Variants in SEC23B observed in about 807,000 individuals in gnomAD.
SEC23B encodes the protein protein transport protein Sec23B.
In SEC23B, 77 loss-of-function variants were observed where a neutral mutation model predicts 104.3. The observed-to-expected ratio is 0.74, with a 90% CI of 0.61 to 0.89. The LOEUF (loss-of-function observed/expected upper bound fraction) is 0.89, where lower values mean the gene tolerates loss of function less well. Ranked by LOEUF, SEC23B falls within the 40% of genes least tolerant of loss-of-function variation. SEC23B has a pLI of 0.00. For missense variants in SEC23B, 885 were observed against 949.4 expected (o/e 0.93, Z 0.89); for synonymous variants, 338 against 332.5 (o/e 1.02, Z -0.18).
At chr20:18,539,211 A>G (rs1286153057) in intron 12 of SEC23B, among the ~76,000 whole-genome samples, 2 of 102,890 alleles carry the variant, frequency 1.9e-5, no homozygotes, top group South Asian at 6.2e-4. Flanking sequence ...GACTCCGTCT[A>G]AAAAAAAAAA....
At chr20:18,526,344 T>C in intron 7 of SEC23B, 29 bp from the exon 8 acceptor site, 3 of 1,613,482 alleles carry the variant, frequency 1.9e-6, no homozygotes, top group Middle Eastern at 3.3e-4. Context: ...GGCTGTATAC[T>C]TCTAACATGC....
chr20:18,535,572 T>C, intron 11 of SEC23B, 81 bp from the exon 12 acceptor site: 1 of 1,038,838 alleles, frequency 9.6e-7, no homozygotes, highest in Non-Finnish European at 1.5e-6. Flanking sequence ...CCTGCCCTAC[T>C]CAGTCAGTAC....
At chr20:18,528,088 C>T (rs544149166) in intron 9 of SEC23B, among the ~76,000 whole-genome samples, 1 of 152,248 alleles carries the variant, frequency 6.6e-6, no homozygotes, top group African/African-American at 2.4e-5. Context: ...GAGTGTGGAG[C>T]AGTGGTTCTC....
intron 16 of SEC23B, among the ~76,000 whole-genome samples, chr20:18,549,302 C>T (rs6075360): frequency 0.14 from 21,421 of 152,014 alleles, 2,025 homozygotes; most frequent in Non-Finnish European, 0.2. Flanking sequence ...TGCATGTAAC[C>T]TTGGCACATC....
At chr20:18,539,645 C>CTT (rs1165634030) in intron 12 of SEC23B, among the ~76,000 whole-genome samples, 14 of 131,450 alleles carry the variant, frequency 1.1e-4, no homozygotes, top group East Asian at 7.0e-4. Flanking sequence ...CCAGGATCCA[C>CTT]TTTTTTTTTT....
chr20:18,526,391 G>T lies in SEC23B; in HGVS notation c.853G>T (p.Gly285Ter). The change falls in exon 8 of 20, where the codon GGA (glycine) becomes TGA (stop). Residue 285 changes from glycine (G) to a stop codon, truncating the protein, a stop_gained. Coordinates refer to ENST00000650089, the MANE Select transcript of SEC23B (RefSeq NM_006363.6). LOFTEE classifies it high-confidence loss of function. ...GLLEGTFPNT[G>*]ARIMLFTGGP... is the part of the protein sequence containing the mutation. ...ATTTTAGGGCACTTTTCCAAACACA[G>T]GAGCCAGGATCATGCTGTTTACTGG... 6.2e-7 allele frequency: 1 copy of T among 1,614,134 alleles called. No individual in the cohort carries two copies. The highest frequency in any genetic ancestry group is 8.5e-7 in the Non-Finnish European group (1 of 1,179,974).
In SEC23B at chr20:18,546,244, T is replaced by A. The variant is rs1388426116; in HGVS notation, c.1743+211T>A. Among the ~76,000 whole-genome samples, 5 of 152,196 alleles carry A rather than the reference T, an allele frequency of 3.3e-5. No individual in the cohort carries two copies. The South Asian group carries it at 8.3e-4, about 25-fold the overall frequency. On this transcript the variant is annotated intron_variant, in intron 15 of 19. Transcript: ENST00000650089. ...AGATGACATGCAGAGGGGAGAAAAC[T>A]CATGCATACATTTTCATGAACAGGC...
chr20:18,545,886 A>G, intron 14 of SEC23B, 70 bp from the exon 15 acceptor site: 1 of 893,992 alleles, frequency 1.1e-6, no homozygotes, highest in Admixed American at 1.7e-5. Flanking sequence ...ATTTCCAGGT[A>G]ATGCTAACTT....
At chr20:18,512,001 A>G (rs2059985811) in intron 2 of SEC23B, among the ~76,000 whole-genome samples, 2 of 152,200 alleles carry the variant, frequency 1.3e-5, no homozygotes, top group African/African-American at 4.8e-5. Flanking sequence ...AAGATTTAGT[A>G]TTTCTTCACT....
chr20:18,540,120 A>G (rs1194449430), intron 12 of SEC23B, among the ~76,000 whole-genome samples: 7 of 152,222 alleles, frequency 4.6e-5, no homozygotes, highest in Admixed American at 4.6e-4. Context: ...TGACATGTAG[A>G]ATGGTGAATC....
intron 3 of SEC23B, among the ~76,000 whole-genome samples, chr20:18,513,219 G>A (rs981622886): frequency 4.0e-5 from 6 of 148,458 alleles, no homozygotes; most frequent in Non-Finnish European, 6.0e-5. Context: ...ATGGTGGTGC[G>A]CACTTGTAGT....
At chr20:18,542,145 G>A in intron 12 of SEC23B, 151 bp from the exon 13 acceptor site, 1 of 782,682 alleles carries the variant, frequency 1.3e-6, no homozygotes. Flanking sequence ...TATATGCAGT[G>A]AAATGTGCAA....
At chr20:18,508,779 G>T (rs2059955871) in intron 1 of SEC23B, among the ~76,000 whole-genome samples, 1 of 140,830 alleles carries the variant, frequency 7.1e-6, no homozygotes, top group South Asian at 2.3e-4. Context: ...GAGTGCAGTG[G>T]CGTGATCTCG....
intron 2 of SEC23B, among the ~76,000 whole-genome samples, chr20:18,511,296 A>G (rs1431266905): frequency 6.6e-6 from 1 of 152,100 alleles, no homozygotes; most frequent in Non-Finnish European, 1.5e-5. Flanking sequence ...AGGTAGAGGG[A>G]GAGGATTTGT....
In SEC23B at chr20:18,554,956, GT is replaced by G; in HGVS notation, c.2149-151del. Reference sequence around the variant, plus strand: ...GCTTAAGCTAAAGAAATAGATTACTGTGCAGTAAAACAATTCTAATTAGATT... The same window carrying G: ...GCTTAAGCTAAAGAAATAGATTACTGGCAGTAAAACAATTCTAATTAGATT... On this transcript the variant is annotated intron_variant, in intron 18 of 19. Coordinates refer to ENST00000650089, the MANE Select transcript of SEC23B (RefSeq NM_006363.6). The G allele has an allele frequency of 2.2e-4, 20 of 90,332 alleles. 4 individuals carry two copies. Among genetic ancestry groups the G allele is most frequent in the Non-Finnish European group, 3.3e-4 (11 of 33,060 alleles). The allele number at this position is 90,332 out of a possible 1,614,324, so 5.6% of individuals were successfully genotyped here. A position where few individuals can be genotyped will look rare whatever the true frequency, so the allele number is the denominator to read the frequency against.
intron 10 of SEC23B, among the ~76,000 whole-genome samples, chr20:18,531,137 C>T (rs1412800563): frequency 6.6e-6 from 1 of 152,156 alleles, no homozygotes; most frequent in Non-Finnish European, 1.5e-5. Context: ...TATTTATGTT[C>T]TAAGTAACAA....
chr20:18,522,667 A>T (rs1357279712), intron 4 of SEC23B, among the ~76,000 whole-genome samples: 5 of 147,870 alleles, frequency 3.4e-5, no homozygotes, highest in Admixed American at 6.8e-5. Context: ...CCGTGTGAAG[A>T]AACCACCAAA....
chr20:18,551,223 G>C (rs747937319), intron 17 of SEC23B, 48 bp downstream of exon 17: 2 of 1,050,832 alleles, frequency 1.9e-6, no homozygotes, highest in East Asian at 2.6e-5. Flanking sequence ...TTTTAAATTG[G>C]AGAAAAGGCA....
chr20:18,554,181 G>A, intron 17 of SEC23B, 54 bp from the exon 18 acceptor site: 2 of 1,601,370 alleles, frequency 1.2e-6, no homozygotes, highest in Non-Finnish European at 1.7e-6. Flanking sequence ...CAGTGTCAGT[G>A]AAGGCTGTTA....
Sources: gnomAD v4.1 joint callset for allele counts (sites outside exome capture counted in the v4.1 genomes callset) on GRCh38, gnomAD v4.1.1 for gene constraint, MANE v1.5 for transcripts, NCBI Gene and HGNC (gene_info 2026-07-23, HGNC 2026-07-21) for gene names.